PLD5: variants seen among roughly 807,000 people sequenced by gnomAD.
The protein encoded by PLD5 is inactive phospholipase D5.
PLD5 carries 36 observed loss-of-function variants against 61.1 expected under a neutral mutation model. The observed-to-expected ratio is 0.59, with a 90% CI of 0.45 to 0.78. The LOEUF (loss-of-function observed/expected upper bound fraction) is 0.78. Among genes scored for constraint, PLD5 ranks in the 30% least tolerant of loss-of-function variants. The probability of loss-of-function intolerance (pLI) is 0.00; values close to 1 mark genes in which losing one functional copy is unlikely to be tolerated. For missense variants in PLD5, 515 were observed against 644.4 expected, an observed-to-expected ratio of 0.80 and a Z score of 2.17; for synonymous variants, 243 against 242.8, an observed-to-expected ratio of 1.00 and a Z score of -0.01.
At position 242,464,077 on chromosome 1, in the gene PLD5, C is replaced by T. The variant is rs559285316; in HGVS notation, c.189+60011G>A. On this transcript the variant is annotated intron_variant, in intron 1 of 9. Transcript: ENST00000536534. ...TCGATTTTAATCTTACTTAATCTTT[C>T]GGAGCACTTCACGTAGTCATTCATT... Among the ~76,000 whole-genome samples the T allele has an allele frequency of 2.5e-4, 38 of 152,274 alleles. No homozygotes were observed. In the South Asian group the frequency reaches 6.8e-3, roughly 27 times the overall value.
intron 1 of PLD5, among the ~76,000 whole-genome samples, chr1:242,428,075 T>A (rs2036493): frequency 0.27 from 40,468 of 152,112 alleles, 5,685 homozygotes; most frequent in Admixed American, 0.31. Context: ...CACTCCTGTG[T>A]TATTTTTTCT....
intron 5 of PLD5, among the ~76,000 whole-genome samples, chr1:242,151,612 T>C (rs139321145): frequency 6.6e-6 from 1 of 152,184 alleles, no homozygotes; most frequent in African/African-American, 2.4e-5. Context: ...AGTTTGAATA[T>C]GCCTAGTATT....
At chr1:242,514,465 C>A (rs1038438173) in intron 1 of PLD5, among the ~76,000 whole-genome samples, 11 of 152,078 alleles carry the variant, frequency 7.2e-5, no homozygotes, top group African/African-American at 2.7e-4. Flanking sequence ...GGAAGGAACT[C>A]CAGAAAAAGA....
chr1:242,366,110 C>T (rs940482711), intron 1 of PLD5, among the ~76,000 whole-genome samples: 1 of 152,110 alleles, frequency 6.6e-6, no homozygotes, highest in Non-Finnish European at 1.5e-5. Flanking sequence ...TATATTGATA[C>T]AAGAAGCAGA....
chr1:242,312,625 C>G (rs1212013829), intron 2 of PLD5, among the ~76,000 whole-genome samples: 14 of 152,194 alleles, frequency 9.2e-5, no homozygotes, highest in Non-Finnish European at 4.4e-5. Context: ...AACTGTGCCA[C>G]TTTTAGCTGT....
Position 242,089,405 on chromosome 1 carries a change from G to GTATC in PLD5, c.*448_*449insGATA. The GTATC allele has an allele frequency of 2.7e-5, 11 of 401,666 alleles. No individual in the cohort carries two copies. The highest frequency in any genetic ancestry group is 1.3e-4 in the Admixed American group (3 of 23,420). The allele number at this position is 401,666 out of a possible 1,614,324, so 24.9% of individuals were successfully genotyped here. On this transcript the variant is annotated 3_prime_UTR_variant, in exon 10 of 10. Transcript: ENST00000536534. Reference sequence around the variant, plus strand: ...AGCTGACTGTGTAGGTCTTGGAGACGATTTACAAGAATAAACACTTGGTTT... The same window carrying GTATC: ...AGCTGACTGTGTAGGTCTTGGAGACGTATCATTTACAAGAATAAACACTTGGTTT...
At chr1:242,096,683 GTTT>G (rs76435237) in intron 9 of PLD5, among the ~76,000 whole-genome samples, 1 of 129,808 alleles carries the variant, frequency 7.7e-6, no homozygotes, top group Non-Finnish European at 1.7e-5. Context: ...AGTCTTTTTT[GTTT>G]TTTTTTTTTT....
intron 8 of PLD5, among the ~76,000 whole-genome samples, chr1:242,104,120 G>A (rs571488092): frequency 6.6e-6 from 1 of 150,794 alleles, no homozygotes; most frequent in East Asian, 1.9e-4. Context: ...TGCAGTATAT[G>A]ATGTTTTTGT....
intron 2 of PLD5, among the ~76,000 whole-genome samples, chr1:242,290,038 A>G (rs1335207890): frequency 2.0e-5 from 3 of 150,954 alleles, no homozygotes; most frequent in African/African-American, 4.9e-5. Context: ...TTGAGCCTTT[A>G]TAAGCACAGG....
chr1:242,222,794 G>T (rs980403985), intron 4 of PLD5, among the ~76,000 whole-genome samples: 1 of 152,200 alleles, frequency 6.6e-6, no homozygotes, highest in South Asian at 2.1e-4. Context: ...CTTCAGAGAT[G>T]ATGGTCGTGT....
In PLD5 at chr1:242,518,694, A is replaced by G. The variant is rs1400240022; in HGVS notation, c.189+5394T>C. On this transcript the variant is annotated intron_variant, in intron 1 of 9. Coordinates refer to ENST00000536534, the MANE Select transcript of PLD5 (RefSeq NM_001372062.1). ...ATGTAGCTATTATATGGAAGAAGAG[A>G]TGAAAAAGAAAACTTGTATTCAATC... Among the ~76,000 whole-genome samples the G allele has an allele frequency of 3.3e-5, 5 of 152,254 alleles. No individual in the cohort carries two copies. The East Asian group carries it at 7.7e-4, about 23-fold the overall frequency.
chr1:242,376,608 G>C (rs557752544), intron 1 of PLD5, among the ~76,000 whole-genome samples: 2 of 152,196 alleles, frequency 1.3e-5, no homozygotes, highest in Admixed American at 1.3e-4. Flanking sequence ...CTGTTTTAAA[G>C]AAACAGTACA....
In PLD5 at chr1:242,099,771, A is replaced by G. The variant is rs141570170; in HGVS notation, c.1354+897T>C. Among the ~76,000 whole-genome samples the G allele has an allele frequency of 6.8e-3, 1,031 of 152,370 alleles. 8 individuals carry two copies. Among genetic ancestry groups the G allele is most frequent in the African/African-American group, 0.02 (832 of 41,584 alleles). Reference sequence around the variant, plus strand: ...ACATTTTTTACTCACTGAATTTGAAAAAAAGAAATTGATACAGATTTTCTA... The same window carrying G: ...ACATTTTTTACTCACTGAATTTGAAGAAAAGAAATTGATACAGATTTTCTA... On this transcript the variant is annotated intron_variant, in intron 9 of 9. Coordinates refer to ENST00000536534, the MANE Select transcript of PLD5 (RefSeq NM_001372062.1).
intron 1 of PLD5, among the ~76,000 whole-genome samples, chr1:242,369,792 G>C (rs969263840): frequency 9.9e-5 from 15 of 152,152 alleles, no homozygotes; most frequent in African/African-American, 2.7e-4. Context: ...TTTATCCATA[G>C]TTCAATTTTC....
intron 4 of PLD5, among the ~76,000 whole-genome samples, chr1:242,234,936 C>T (rs1342970881): frequency 6.6e-6 from 1 of 152,044 alleles, no homozygotes; most frequent in Non-Finnish European, 1.5e-5. Context: ...TCGAATGTTG[C>T]TTATGCCACT....
chr1:242,438,447 T>TC (rs989628948), intron 1 of PLD5, among the ~76,000 whole-genome samples: 4 of 144,540 alleles, frequency 2.8e-5, no homozygotes, highest in Non-Finnish European at 4.6e-5. Flanking sequence ...TTCTTTTTTT[T>TC]TTTTTTTTTT....
chr1:242,134,078 A>G (rs1410216418), intron 5 of PLD5, among the ~76,000 whole-genome samples: 1 of 152,214 alleles, frequency 6.6e-6, no homozygotes, highest in Non-Finnish European at 1.5e-5. Flanking sequence ...AATCCCTCGA[A>G]GAATCTATTC....
chr1:242,147,098 C>A (rs1664594406), intron 5 of PLD5, among the ~76,000 whole-genome samples: 1 of 152,082 alleles, frequency 6.6e-6, no homozygotes, highest in African/African-American at 2.4e-5. Context: ...GTTATGTAAC[C>A]ACCACCACAA....
intron 2 of PLD5, among the ~76,000 whole-genome samples, chr1:242,289,604 C>T (rs556057458): frequency 6.6e-6 from 1 of 152,276 alleles, no homozygotes; most frequent in Admixed American, 6.5e-5. Context: ...CCCCCCCTGC[C>T]TTGGCCTCCC....
Sources: allele counts gnomAD v4.1 joint callset (sites outside exome capture counted in the v4.1 genomes callset), GRCh38; gene constraint gnomAD v4.1.1; transcripts MANE v1.5; gene names NCBI Gene and HGNC (gene_info 2026-07-23, HGNC 2026-07-21).